Variants in GOT2 observed in about 807,000 individuals in gnomAD.
GOT2 encodes the protein glutamic-oxaloacetic transaminase 2.
GOT2 carries 17 observed loss-of-function variants against 50.0 expected under a neutral mutation model. The observed-to-expected ratio is 0.34, with a 90% CI of 0.23 to 0.51. The LOEUF (loss-of-function observed/expected upper bound fraction) is 0.51, where lower values mean the gene tolerates loss of function less well. GOT2 is among the 20% of genes least tolerant of loss of function. The pLI, the probability that GOT2 is intolerant of heterozygous loss-of-function variation, is 0.97. For synonymous variants in GOT2, 172 were observed against 204.9 expected (o/e 0.84, Z 1.37); for missense variants, 430 against 559.6 (o/e 0.77, Z 2.34).
intron 1 of GOT2, among the ~76,000 whole-genome samples, chr16:58,729,719 A>G (rs1285547245): frequency 8.2e-6 from 1 of 122,196 alleles, no homozygotes; most frequent in African/African-American, 2.5e-5. Context: ...ACCTTTTAAG[A>G]ATTCTTTTTT....
Position 58,734,143 on chromosome 16 carries a change from G to T in GOT2, c.86C>A (p.Ala29Asp). The change falls in exon 1 of 10, where the codon GCC (alanine) becomes GAC (aspartate). Residue 29 changes from alanine to aspartate, a missense_variant. Transcript: ENST00000245206. Reference protein sequence around the residue: ...PGLAAAASARASSWWTHVEMG... With the variant: ...PGLAAAASARDSSWWTHVEMG... Reference sequence around the variant, plus strand: ...ATCTCCGTTTCCCTTGGCTTACCTGGCTCTGGCAGAGGCCGCGGCGGCGAG... The same window carrying T: ...ATCTCCGTTTCCCTTGGCTTACCTGTCTCTGGCAGAGGCCGCGGCGGCGAG... 1 of 1,328,480 alleles carries T rather than the reference G, an allele frequency of 7.5e-7. No individual in the cohort carries two copies. The highest frequency in any genetic ancestry group is 9.7e-7 in the Non-Finnish European group (1 of 1,034,606). 82.3% of individuals were successfully genotyped at this position (1,328,480 alleles called of 1,614,324 possible).
intron 1 of GOT2, 110 bp from the exon 2 acceptor site, chr16:58,724,012 G>T: frequency 2.1e-6 from 2 of 954,164 alleles, no homozygotes; most frequent in South Asian, 1.7e-5. Flanking sequence ...GGAGTGCAGT[G>T]GTGCTATCTT....
In GOT2 at chr16:58,719,272, C is replaced by T. The variant is rs1352596264; in HGVS notation, c.376-17G>A. ...AGTGACAAACTGAAGGAGAGATACC[C>T]ACGGTCAGTGATGTGCAACACTCTC... On this transcript the variant is annotated splice_polypyrimidine_tract_variant and intron_variant, in intron 3 of 9. Transcript: ENST00000245206. 6.2e-7 allele frequency: 1 copy of T among 1,601,502 alleles called. No homozygotes were observed. The highest frequency in any genetic ancestry group is 8.6e-7 in the Non-Finnish European group (1 of 1,168,828).
intron 8 of GOT2, among the ~76,000 whole-genome samples, chr16:58,713,183 G>GA (rs201266557): frequency 2.4e-4 from 36 of 150,468 alleles, no homozygotes; most frequent in East Asian, 1.9e-3. Context: ...ATGGGTAAGG[G>GA]AAAAAAAAAG....
rs1232977196 is a variant in GOT2 at position 58,707,146 on chromosome 16, T to C, written c.*1025A>G. On this transcript the variant is annotated 3_prime_UTR_variant, in exon 10 of 10. Coordinates refer to ENST00000245206, the MANE Select transcript of GOT2 (RefSeq NM_002080.4). ...TAGACAGTAGTTGGGTCTACAGTAA[T>C]TTTATTGTAACAGAGAAACCAGGCC... 3 of 152,242 alleles carry C rather than the reference T, an allele frequency of 2.0e-5. No homozygotes were observed. The highest frequency in any genetic ancestry group is 4.4e-5 in the Non-Finnish European group (3 of 68,056). 9.4% of individuals were successfully genotyped at this position (152,242 alleles called of 1,614,324 possible). A position where few individuals can be genotyped will look rare whatever the true frequency, so the allele number is the denominator to read the frequency against.
chr16:58,709,479 T>C lies in GOT2; in HGVS notation c.1108A>G (p.Asn370Asp). The change falls in exon 9 of 10, where the codon AAT becomes GAT. Residue 370 changes from asparagine to aspartate, a missense_variant. Transcript: ENST00000245206. ...SNLKKEGSTH[N>D]WQHITDQIGM... is the part of the protein sequence containing the mutation. Reference sequence around the variant, plus strand: ...ATTTGGTCGGTGATGTGTTGCCAATTGTGGGTGGAACCCTCCTTCTTGAGG... The same window carrying C: ...ATTTGGTCGGTGATGTGTTGCCAATCGTGGGTGGAACCCTCCTTCTTGAGG... 1 of 1,614,076 alleles carries C rather than the reference T, an allele frequency of 6.2e-7. No homozygotes were observed. The highest frequency in any genetic ancestry group is 1.1e-5 in the South Asian group (1 of 91,084).
At chr16:58,715,972 G>A in intron 8 of GOT2, 42 bp downstream of exon 8, 1 of 1,511,908 alleles carries the variant, frequency 6.6e-7, no homozygotes, top group East Asian at 2.3e-5. Context: ...AGGAGCAGTG[G>A]TGGGAACAGG....
At position 58,734,169 on chromosome 16, in the gene GOT2, G is replaced by A; in HGVS notation, c.60C>T (p.Gly20=). 7.5e-7 allele frequency: 1 copy of A among 1,333,478 alleles called. No individual in the cohort carries two copies. The highest frequency in any genetic ancestry group is 2.5e-5 in the South Asian group (1 of 39,866). The allele number at this position is 1,333,478 out of a possible 1,614,324, so 82.6% of individuals were successfully genotyped here. The change falls in exon 1 of 10, where the codon GGC becomes GGT. Residue 20 remains glycine (G), a synonymous_variant. Transcript: ENST00000245206. ...LPGIAAAFHP[G]LAAAASARAS... Reference sequence around the variant, plus strand: ...CTCTGGCAGAGGCCGCGGCGGCGAGGCCCGGGTGGAAGGCGGCGGCGATCC... The same window carrying A: ...CTCTGGCAGAGGCCGCGGCGGCGAGACCCGGGTGGAAGGCGGCGGCGATCC...
At chr16:58,730,514 G>A (rs1567491602) in intron 1 of GOT2, among the ~76,000 whole-genome samples, 1 of 151,872 alleles carries the variant, frequency 6.6e-6, no homozygotes, top group Non-Finnish European at 1.5e-5. Context: ...CTGGGACTAT[G>A]GGTGTGTGCC....
Position 58,716,103 on chromosome 16 carries a change from G to C in GOT2, c.930C>G (p.Ile310Met). The change falls in exon 8 of 10, where the codon ATC (isoleucine) becomes ATG (methionine). Residue 310 changes from isoleucine (I) to methionine (M), a missense_variant. Ile to Met is a conservative substitution (Grantham distance 10). Coordinates refer to ENST00000245206, the MANE Select transcript of GOT2 (RefSeq NM_002080.4). ...EAKRVESQLK[I>M]LIRPMYSNPP... is the part of the protein sequence containing the mutation. ...GGTTGGAATACATGGGACGGATCAAGATCTTCAACTGTGACTCTACCCTTT... is the reference window on the plus strand; with the variant it reads ...GGTTGGAATACATGGGACGGATCAACATCTTCAACTGTGACTCTACCCTTT... 6.2e-7 allele frequency: 1 copy of C among 1,613,856 alleles called. No individual in the cohort carries two copies. The highest frequency in any genetic ancestry group is 1.7e-5 in the Admixed American group (1 of 60,012).
chr16:58,724,013 G>C, intron 1 of GOT2, 111 bp from the exon 2 acceptor site: 2 of 928,604 alleles, frequency 2.2e-6, no homozygotes, highest in Non-Finnish European at 3.2e-6. Context: ...GAGTGCAGTG[G>C]TGCTATCTTG....
intron 1 of GOT2, among the ~76,000 whole-genome samples, chr16:58,727,780 G>C (rs9926132): frequency 0.054 from 8,259 of 152,198 alleles, 504 homozygotes; most frequent in Admixed American, 0.13. Flanking sequence ...AGGAGTAAAA[G>C]GGCTTTCCAA....
chr16:58,709,172 G>A (rs563215590), intron 9 of GOT2: 2 of 337,494 alleles, frequency 5.9e-6, no homozygotes, highest in South Asian at 1.1e-4. Context: ...TGAGGCAGGA[G>A]GATCACTTAA....
intron 8 of GOT2, among the ~76,000 whole-genome samples, 184 bp downstream of exon 8, chr16:58,715,830 G>A (rs2044687743): frequency 6.6e-6 from 1 of 152,176 alleles, no homozygotes; most frequent in African/African-American, 2.4e-5. Flanking sequence ...GCGATTACAG[G>A]CGTGAGCCAC....
In GOT2 at chr16:58,734,313, A is replaced by T. The variant is rs1003938020; in HGVS notation, c.-85T>A. On this transcript the variant is annotated 5_prime_UTR_variant, in exon 1 of 10. Transcript: ENST00000245206. ...CACACAGGGAACCGGCTCCTGCTGA[A>T]GGTAAGGACAGGGACTTCCCTGGGC... The T allele has an allele frequency of 1.1e-4, 76 of 703,268 alleles. No homozygotes were observed. The highest frequency in any genetic ancestry group is 7.8e-5 in the Non-Finnish European group (39 of 499,338). 43.6% of individuals were successfully genotyped at this position (703,268 alleles called of 1,614,324 possible).
At chr16:58,716,263 T>A (rs1370559880) in intron 7 of GOT2, 84 bp from the exon 8 acceptor site, 1 of 1,310,990 alleles carries the variant, frequency 7.6e-7, no homozygotes, top group Non-Finnish European at 1.1e-6. Context: ...CTACGTATTA[T>A]CTGTTTCCAT....
At position 58,722,159 on chromosome 16, in the gene GOT2, C is replaced by T; in HGVS notation, c.366G>A (p.Lys122=). 1.2e-6 allele frequency: 2 copies of T among 1,612,142 alleles called. No homozygotes were observed. The highest frequency in any genetic ancestry group is 1.7e-6 in the Non-Finnish European group (2 of 1,179,944). ...AGCCTGCTCAGCTTACCCGGCCACT[C>T]TTCAAGACTTCGCTGTTCTCACCCA... ...LALGENSEVL[K]SGRFVTVQTI... Residue 122 remains lysine, a synonymous_variant, in exon 3 of 10, where the codon AAG becomes AAA. Coordinates refer to ENST00000245206, the MANE Select transcript of GOT2 (RefSeq NM_002080.4).
In GOT2 at chr16:58,719,334, G is replaced by C. The variant is rs2044721941; in HGVS notation, c.376-79C>G. ...AGACCCAGGGCCACTGCTTTGTCCA[G>C]GACCTTTCATACTTCAGAAGCTCAT... is the stretch of plus-strand genomic sequence containing the variant. On this transcript the variant is annotated intron_variant, in intron 3 of 9. Transcript: ENST00000245206. 1.9e-5 allele frequency: 18 copies of C among 927,392 alleles called. No individual in the cohort carries two copies. The Admixed American group carries it at 2.8e-4, about 15-fold the overall frequency. The allele number at this position is 927,392 out of a possible 1,614,324, so 57.4% of individuals were successfully genotyped here.
chr16:58,715,880 T>C, intron 8 of GOT2, 134 bp downstream of exon 8: 1 of 673,962 alleles, frequency 1.5e-6, no homozygotes, highest in Non-Finnish European at 2.4e-6. Flanking sequence ...AATGCACATT[T>C]TTTGCTTCCT....
Sources: allele counts gnomAD v4.1 joint callset (sites outside exome capture counted in the v4.1 genomes callset), GRCh38; gene constraint gnomAD v4.1.1; transcripts MANE v1.5; gene names NCBI Gene and HGNC (gene_info 2026-07-23, HGNC 2026-07-21).